Variants in CASK observed in about 807,000 individuals in gnomAD.
The protein encoded by CASK is peripheral plasma membrane protein CASK.
In CASK, 4 loss-of-function variants were observed where a neutral mutation model predicts 82.9. The ratio of observed to expected loss-of-function variants is 0.05; its 90% CI spans 0.02 to 0.11. CASK has a LOEUF of 0.11. Among genes scored for constraint, CASK ranks in the 10% least tolerant of loss-of-function variants. CASK has a pLI of 1.00. For synonymous variants in CASK, 259 were observed against 253.5 expected, an observed-to-expected ratio of 1.02 and a Z score of -0.20; for missense variants, 358 against 720.9, an observed-to-expected ratio of 0.50 and a Z score of 5.76.
chrX:41,849,788 C>T (rs1278832550), intron 2 of CASK, among the ~76,000 whole-genome samples: 3 of 111,815 alleles, frequency 2.7e-5, no homozygotes, highest in Non-Finnish European at 5.6e-5. Flanking sequence ...TCTTTAGCCT[C>T]ACCAATTATA....
chrX:41,600,400 A>G, intron 12 of CASK, among the ~76,000 whole-genome samples: 1 of 112,596 alleles, frequency 8.9e-6, no homozygotes, highest in African/African-American at 3.2e-5. Flanking sequence ...AACTGAGCAT[A>G]TCACATTCCT....
intron 1 of CASK, among the ~76,000 whole-genome samples, chrX:41,854,494 C>T (rs1485816877): frequency 8.9e-6 from 1 of 112,211 alleles, no homozygotes; most frequent in Non-Finnish European, 1.9e-5. Flanking sequence ...ACAAAAAAAC[C>T]ACCTTCATTC....
intron 9 of CASK, among the ~76,000 whole-genome samples, chrX:41,629,003 T>C (rs905003143): frequency 2.7e-5 from 3 of 112,140 alleles, no homozygotes; most frequent in Non-Finnish European, 5.6e-5. Flanking sequence ...CTTGCTACTA[T>C]TGTCAAAGAT....
At chrX:41,718,319 C>A (rs889268240) in intron 5 of CASK, among the ~76,000 whole-genome samples, 37 of 113,007 alleles carry the variant, frequency 3.3e-4, no homozygotes, top group African/African-American at 1.2e-3. Flanking sequence ...ATTCTGTGAG[C>A]TGCTCTAGCA....
intron 8 of CASK, among the ~76,000 whole-genome samples, chrX:41,652,965 G>C (rs2066886311): frequency 8.9e-6 from 1 of 112,223 alleles, no homozygotes; most frequent in Admixed American, 9.4e-5. Context: ...TGTCTGAAAG[G>C]GTGGGAAGGG....
At chrX:41,913,164 A>ATG (rs2072613348) in intron 1 of CASK, among the ~76,000 whole-genome samples, 1 of 111,421 alleles carries the variant, frequency 9.0e-6, no homozygotes. Flanking sequence ...CGCAGAGGAT[A>ATG]TGTGCATGAG....
chrX:41,659,250 C>T (rs754667139), intron 8 of CASK, among the ~76,000 whole-genome samples: 38 of 107,205 alleles, frequency 3.5e-4, no homozygotes, highest in African/African-American at 1.1e-3. Context: ...TTTTGGGAGA[C>T]GGAGACTCGC....
chrX:41,557,150 CAG>C (rs1264760890), intron 18 of CASK, 50 bp from the exon 19 acceptor site: 1 of 980,501 alleles, frequency 1.0e-6, no homozygotes, highest in Non-Finnish European at 1.5e-6. Flanking sequence ...CACAGAAACA[CAG>C]AGATATTTAC....
At chrX:41,562,382 G>C (rs955130161) in intron 16 of CASK, 1 of 111,951 alleles carries the variant, frequency 8.9e-6, no homozygotes, top group Non-Finnish European at 1.9e-5. Flanking sequence ...CACTGACCTG[G>C]CTTCATTACA....
chrX:41,871,781 A>G (rs1249961159), intron 1 of CASK, among the ~76,000 whole-genome samples: 2 of 112,135 alleles, frequency 1.8e-5, no homozygotes, highest in African/African-American at 3.2e-5. Context: ...AGTGTGGTTA[A>G]TAAATTGCTC....
At chrX:41,888,196 C>T (rs1037646585) in intron 1 of CASK, among the ~76,000 whole-genome samples, 2 of 111,429 alleles carry the variant, frequency 1.8e-5, no homozygotes, top group African/African-American at 6.5e-5. Context: ...CCCCAATATC[C>T]TACAACTGGG....
chrX:41,632,687 T>C (rs2066489242), intron 9 of CASK, among the ~76,000 whole-genome samples: 1 of 112,178 alleles, frequency 8.9e-6, no homozygotes, highest in Non-Finnish European at 1.9e-5. Flanking sequence ...AAACCTTTCG[T>C]AGTTATGCAC....
chrX:41,650,450 T>A lies in CASK; in HGVS notation c.831+9989A>T, dbSNP rs767336499. Among the ~76,000 whole-genome samples the A allele has an allele frequency of 3.9e-4, 40 of 103,334 alleles. 2 individuals are homozygous for A. The South Asian group carries it at 0.012, about 32-fold the overall frequency. The allele number at this position is 103,334 out of a possible 115,157, so 89.7% of individuals were successfully genotyped here. On this transcript the variant is annotated intron_variant, in intron 8 of 26. Transcript: ENST00000378163. ...TGGCATCATGCCTGGTTTTTGTGGT[T>A]TTTTTTTGTTTTTTTTTGTTTTTGA...
At chrX:41,803,767 C>T (rs915453208) in intron 2 of CASK, among the ~76,000 whole-genome samples, 2 of 111,318 alleles carry the variant, frequency 1.8e-5, no homozygotes, top group African/African-American at 6.5e-5. Flanking sequence ...GGGAGGGTAG[C>T]AACATAAAAC....
intron 10 of CASK, among the ~76,000 whole-genome samples, chrX:41,625,725 CA>C (rs1478291078): frequency 9.0e-6 from 1 of 111,119 alleles, no homozygotes; most frequent in Non-Finnish European, 1.9e-5. Context: ...TTCATCAAAA[CA>C]AATAACTCTT....
chrX:41,607,315 A>C (rs1291182568), intron 12 of CASK, among the ~76,000 whole-genome samples: 1 of 112,086 alleles, frequency 8.9e-6, no homozygotes, highest in East Asian at 2.8e-4. Context: ...AGTAAGAAAA[A>C]ATACAACTTT....
chrX:41,621,384 ACTGT>A (rs2066286405), intron 11 of CASK, among the ~76,000 whole-genome samples: 1 of 112,067 alleles, frequency 8.9e-6, no homozygotes, highest in Non-Finnish European at 1.9e-5. Flanking sequence ...AGTCTTGGGC[ACTGT>A]CTCTCACTTT....
At chrX:41,799,631 A>G (rs1209371002) in intron 2 of CASK, among the ~76,000 whole-genome samples, 1 of 108,622 alleles carries the variant, frequency 9.2e-6, no homozygotes, top group Non-Finnish European at 1.9e-5. Flanking sequence ...TCTCCCCTGG[A>G]GAGACATATA....
intron 15 of CASK, among the ~76,000 whole-genome samples, chrX:41,570,303 T>A: frequency 9.0e-6 from 1 of 111,542 alleles, no homozygotes; most frequent in South Asian, 3.7e-4. Flanking sequence ...CAGGTGTGAG[T>A]CACCATGCCT....
Sources: allele counts gnomAD v4.1 joint callset (sites outside exome capture counted in the v4.1 genomes callset), GRCh38; gene constraint gnomAD v4.1.1; transcripts MANE v1.5; gene names NCBI Gene and HGNC (gene_info 2026-07-23, HGNC 2026-07-21).